STT3B: variants seen among roughly 807,000 people sequenced by gnomAD.
STT3B encodes the protein STT3 oligosaccharyltransferase complex catalytic subunit B, also known as dolichyl-diphosphooligosaccharide--protein glycosyltransferase subunit STT3B.
A neutral mutation model predicts 96.8 loss-of-function variants in STT3B; 29 were observed. The observed-to-expected ratio is 0.30, with a 90% CI of 0.22 to 0.41. STT3B has a LOEUF of 0.41. Among genes scored for constraint, STT3B ranks in the 10% least tolerant of loss-of-function variants. The probability of loss-of-function intolerance (pLI) is 1.00; values close to 1 mark genes in which losing one functional copy is unlikely to be tolerated. For missense variants in STT3B, 640 were observed against 1,022.3 expected (o/e 0.63, Z 5.10); for synonymous variants, 367 against 360.0 (o/e 1.02, Z -0.22).
chr3:31,635,868 CAAG>C, intron 15 of STT3B, 113 bp from the exon 16 acceptor site: 2 of 666,596 alleles, frequency 3.0e-6, no homozygotes, highest in South Asian at 2.5e-5. Flanking sequence ...AATCCAGTCA[CAAG>C]AAGAGCAGAG....
intron 11 of STT3B, 43 bp downstream of exon 11, chr3:31,623,904 T>C: frequency 1.4e-6 from 2 of 1,425,012 alleles, no homozygotes; most frequent in Non-Finnish European, 1.9e-6. Context: ...ATACTTACAC[T>C]TCTTTTTCGT....
At chr3:31,548,493 G>A (rs562619575) in intron 1 of STT3B, among the ~76,000 whole-genome samples, 1 of 152,026 alleles carries the variant, frequency 6.6e-6, no homozygotes, top group Non-Finnish European at 1.5e-5. Flanking sequence ...TTTTAAAATA[G>A]AGTATACCAA....
At chr3:31,626,275 T>A in intron 13 of STT3B, 148 bp downstream of exon 13, 1 of 711,036 alleles carries the variant, frequency 1.4e-6, no homozygotes, top group Non-Finnish European at 2.2e-6. Flanking sequence ...TTAAAGATAG[T>A]AGAGGCATTT....
At chr3:31,585,147 A>G (rs1698507452) in intron 3 of STT3B, among the ~76,000 whole-genome samples, 1 of 152,096 alleles carries the variant, frequency 6.6e-6, no homozygotes, top group African/African-American at 2.4e-5. Flanking sequence ...TTGATGCCCT[A>G]TTACTGTTAC....
Position 31,630,653 on chromosome 3 carries a change from C to T in STT3B, c.2187+1242C>T, listed in dbSNP as rs537232398. Among the ~76,000 whole-genome samples the T allele has an allele frequency of 2.0e-5, 3 of 152,286 alleles. No individual in the cohort carries two copies. The South Asian group carries it at 6.2e-4, about 32-fold the overall frequency. ...AAACTGCTTATTTCTGTATTGCTCTCTGGTTAAGTTGGTAAGAAAGCAGAG... is the reference window on the plus strand; with the variant it reads ...AAACTGCTTATTTCTGTATTGCTCTTTGGTTAAGTTGGTAAGAAAGCAGAG... On this transcript the variant is annotated intron_variant, in intron 14 of 15. Coordinates refer to ENST00000295770, the MANE Select transcript of STT3B (RefSeq NM_178862.3).
chr3:31,546,965 G>A (rs531747965), intron 1 of STT3B, among the ~76,000 whole-genome samples: 1 of 152,286 alleles, frequency 6.6e-6, no homozygotes, highest in East Asian at 1.9e-4. Context: ...TTGCAAAGGT[G>A]TACAATTATG....
chr3:31,559,479 G>A (rs1366491425), intron 1 of STT3B, among the ~76,000 whole-genome samples: 1 of 151,764 alleles, frequency 6.6e-6, no homozygotes, highest in Non-Finnish European at 1.5e-5. Flanking sequence ...TTGGGAGCAT[G>A]TTGTTTAAGT....
intron 13 of STT3B, among the ~76,000 whole-genome samples, chr3:31,627,385 T>G (rs1699559871): frequency 2.6e-5 from 4 of 152,172 alleles, no homozygotes; most frequent in Admixed American, 2.6e-4. Flanking sequence ...CCAGCAGCCC[T>G]CCGCCATCCG....
chr3:31,544,517 T>C (rs1282531068), intron 1 of STT3B, among the ~76,000 whole-genome samples: 2 of 152,216 alleles, frequency 1.3e-5, no homozygotes, highest in African/African-American at 4.8e-5. Context: ...AATGGCAGTA[T>C]TCCTGTGAAT....
At chr3:31,557,246 C>G (rs1697742012) in intron 1 of STT3B, among the ~76,000 whole-genome samples, 1 of 152,120 alleles carries the variant, frequency 6.6e-6, no homozygotes, top group African/African-American at 2.4e-5. Flanking sequence ...TGGTCTGTGT[C>G]TTTTTATACT....
intron 1 of STT3B, among the ~76,000 whole-genome samples, chr3:31,546,823 G>A (rs1232797738): frequency 2.6e-5 from 4 of 152,076 alleles, no homozygotes; most frequent in Admixed American, 2.6e-4. Flanking sequence ...GTGCCTAATT[G>A]GTCCTTAAAG....
At chr3:31,539,320 T>C (rs1697174850) in intron 1 of STT3B, among the ~76,000 whole-genome samples, 1 of 152,168 alleles carries the variant, frequency 6.6e-6, no homozygotes, top group African/African-American at 2.4e-5. Context: ...ATAACTTTAA[T>C]ATATGTTCTA....
intron 1 of STT3B, among the ~76,000 whole-genome samples, chr3:31,545,932 G>C (rs1390523869): frequency 1.3e-5 from 2 of 151,444 alleles, no homozygotes; most frequent in Non-Finnish European, 2.9e-5. Flanking sequence ...CCCCTGCTGT[G>C]AAAACAATAT....
intron 1 of STT3B, among the ~76,000 whole-genome samples, chr3:31,545,400 CATT>C (rs1697382454): frequency 6.6e-6 from 1 of 152,094 alleles, no homozygotes; most frequent in Admixed American, 6.5e-5. Context: ...GAGTATGTAA[CATT>C]AAGTGATGTT....
chr3:31,631,445 A>G (rs760039489), intron 14 of STT3B, among the ~76,000 whole-genome samples: 3 of 152,158 alleles, frequency 2.0e-5, no homozygotes, highest in Non-Finnish European at 2.9e-5. Flanking sequence ...TCTGCTCACT[A>G]CTGATCACGT....
At chr3:31,541,334 T>C (rs1302310225) in intron 1 of STT3B, among the ~76,000 whole-genome samples, 1 of 152,198 alleles carries the variant, frequency 6.6e-6, no homozygotes, top group Non-Finnish European at 1.5e-5. Context: ...CCCCTGACTT[T>C]ATAGTGATGA....
In STT3B at chr3:31,622,046, T is replaced by G. The variant is rs547760757; in HGVS notation, c.1328-51T>G. 4.2e-4 allele frequency: 621 copies of G among 1,488,970 alleles called. 12 individuals carry two copies. The highest frequency in any genetic ancestry group is 2.8e-3 in the Middle Eastern group (16 of 5,766). The allele number at this position is 1,488,970 out of a possible 1,614,324, so 92.2% of individuals were successfully genotyped here. On this transcript the variant is annotated intron_variant, in intron 9 of 15. Coordinates refer to ENST00000295770, the MANE Select transcript of STT3B (RefSeq NM_178862.3). ...ATAGTTTTAAGTATCTAGTTCAGTT[T>G]CCTGGGAACTTTTTCCCTCCAACAT...
intron 14 of STT3B, among the ~76,000 whole-genome samples, chr3:31,631,873 C>T (rs79083275): frequency 2.6e-5 from 4 of 150,982 alleles, no homozygotes; most frequent in African/African-American, 7.3e-5. Context: ...TTTTTTTCCC[C>T]GAGACAGGAT....
At position 31,620,052 on chromosome 3, in the gene STT3B, A is replaced by T. The variant is rs1482025424; in HGVS notation, c.1327+222A>T. On this transcript the variant is annotated intron_variant, in intron 9 of 15. Coordinates refer to ENST00000295770, the MANE Select transcript of STT3B (RefSeq NM_178862.3). ...CACTTTGGGAGGCCGAGGCGGGCGG[A>T]TCACCTGAGGTCAGGAGTTCGAGAC... 3 of 1,128,172 alleles carry T rather than the reference A, an allele frequency of 2.7e-6. No homozygotes were observed. In the African/African-American group the frequency reaches 4.8e-5, roughly 18 times the overall value. 69.9% of individuals were successfully genotyped at this position (1,128,172 alleles called of 1,614,324 possible).
Sources: allele counts gnomAD v4.1 joint callset (sites outside exome capture counted in the v4.1 genomes callset), GRCh38; gene constraint gnomAD v4.1.1; transcripts MANE v1.5; gene names NCBI Gene and HGNC (gene_info 2026-07-23, HGNC 2026-07-21).